The following TRPV4 variants were observed in gnomAD, a reference collection of about 807,000 sequenced individuals.
The protein encoded by TRPV4 is OSM9-like transient receptor potential channel 4.
Under a neutral mutation model 84.1 loss-of-function variants are expected in TRPV4, and 58 were observed. That is an observed-to-expected ratio of 0.69 (90% CI 0.56 to 0.86). The LOEUF is 0.86. Ranked by LOEUF, TRPV4 falls within the 40% of genes least tolerant of loss-of-function variation. The pLI, the probability that TRPV4 is intolerant of heterozygous loss-of-function variation, is 0.00. For missense variants in TRPV4, 879 were observed against 1,181.1 expected (o/e 0.74, Z 3.75); for synonymous variants, 489 against 500.9 (o/e 0.98, Z 0.32).
At chr12:109,802,405 G>A (rs551468275) in intron 4 of TRPV4, among the ~76,000 whole-genome samples, 2 of 151,308 alleles carry the variant, frequency 1.3e-5, no homozygotes, top group Admixed American at 6.6e-5. Flanking sequence ...AGGTTCAAGC[G>A]ATTCTCCTGC....
rs1034290161 is a variant in TRPV4, at chr12:109,803,210, G to A, written c.560-67C>T. The A allele has an allele frequency of 1.6e-5, 26 of 1,582,784 alleles. No individual in the cohort carries two copies. The Admixed American group carries it at 3.9e-4, about 24-fold the overall frequency. ...ATGACCTTGAACTTCCAGGCATCGG[G>A]GTACAGAACACTGGGTAGGGGGTCA... On this transcript the variant is annotated intron_variant, in intron 3 of 15. Coordinates refer to ENST00000261740, the MANE Select transcript of TRPV4 (RefSeq NM_021625.5).
chr12:109,798,486 C>A lies in TRPV4; in HGVS notation c.1152+128G>T. On this transcript the variant is annotated intron_variant, in intron 6 of 15. Coordinates refer to ENST00000261740, the MANE Select transcript of TRPV4 (RefSeq NM_021625.5). The surrounding 1 kb of genome is among the most constrained non-coding windows in gnomAD (Gnocchi z 5.0). ...GCAGGTTCTTGAGCTGGGACATCTG[C>A]ACACTGGGGTTGGCATGTTGGGAGG... is the stretch of plus-strand genomic sequence containing the variant. 1 of 1,211,834 alleles carries A rather than the reference C, an allele frequency of 8.3e-7. No individual in the cohort carries two copies. 75.1% of individuals were successfully genotyped at this position (1,211,834 alleles called of 1,614,324 possible). A position where few individuals can be genotyped will look rare whatever the true frequency, so the allele number is the denominator to read the frequency against.
Position 109,798,804 on chromosome 12 carries a change from C to A in TRPV4, c.962G>T (p.Gly321Val), listed in dbSNP as rs1395620763. ...KADMRRQDSR[G>V]NTVLHALVAI... ...CACCAGCGCATGCAGCACTGTGTTGCCTCGCGAGTCCTGGCGCCGCATGTC... is the reference window on the plus strand; with the variant it reads ...CACCAGCGCATGCAGCACTGTGTTGACTCGCGAGTCCTGGCGCCGCATGTC... Residue 321 changes from glycine (G) to valine (V), a missense_variant, in exon 6 of 16, where the codon GGC becomes GTC. By Grantham distance (109) the Gly-to-Val change is moderately radical. Transcript: ENST00000261740. The surrounding 1 kb of genome is among the most constrained non-coding windows in gnomAD (Gnocchi z 5.0). 6.2e-7 allele frequency: 1 copy of A among 1,614,054 alleles called. No homozygotes were observed. Among genetic ancestry groups the A allele is most frequent in the African/African-American group, 1.3e-5 (1 of 74,930 alleles).
At chr12:109,809,868 G>A (rs1433057083) in intron 2 of TRPV4, among the ~76,000 whole-genome samples, 1 of 152,178 alleles carries the variant, frequency 6.6e-6, no homozygotes, top group Non-Finnish European at 1.5e-5. Flanking sequence ...ACAAACATTT[G>A]AGACAAATGA....
At chr12:109,794,727 T>C (rs1890284061) in intron 7 of TRPV4, among the ~76,000 whole-genome samples, 1 of 152,158 alleles carries the variant, frequency 6.6e-6, no homozygotes, top group Non-Finnish European at 1.5e-5. Flanking sequence ...TAAAAGACAT[T>C]TATTTTCAGG....
At chr12:109,799,246 G>C (rs546503774) in intron 5 of TRPV4, among the ~76,000 whole-genome samples, 42 of 151,224 alleles carry the variant, frequency 2.8e-4, no homozygotes, top group Admixed American at 9.2e-4. Flanking sequence ...TCCACCTCCC[G>C]GGTGCAAGCA....
chr12:109,806,790 G>A (rs1891164145), intron 3 of TRPV4, among the ~76,000 whole-genome samples: 1 of 147,344 alleles, frequency 6.8e-6, no homozygotes, highest in African/African-American at 2.5e-5. Context: ...GAGGCCAGAA[G>A]TTCAAGGCTG....
chr12:109,793,050 C>T lies in TRPV4; in HGVS notation c.1659-233G>A, dbSNP rs375445368. 1.3e-4 allele frequency among the ~76,000 whole-genome samples: 20 copies of T among 152,302 alleles called. No individual in the cohort carries two copies. Among genetic ancestry groups the T allele is most frequent in the East Asian group, 3.9e-4 (2 of 5,186 alleles). On this transcript the variant is annotated intron_variant, in intron 10 of 15. Coordinates refer to ENST00000261740, the MANE Select transcript of TRPV4 (RefSeq NM_021625.5). This position sits in a 1 kb window ranked among gnomAD's most constrained non-coding sequence, Gnocchi z 4.0. ...CCCACAGGATCCTGAAGTGATGCCC[C>T]TTGGAATTGCTAAAGAAAGATTTAG... is the stretch of plus-strand genomic sequence containing the variant.
intron 2 of TRPV4, among the ~76,000 whole-genome samples, chr12:109,810,326 G>A (rs1472055878): frequency 6.6e-6 from 1 of 152,224 alleles, no homozygotes; most frequent in Non-Finnish European, 1.5e-5. Context: ...GGAGGCACAG[G>A]GTCTGGGAGG....
chr12:109,802,210 G>A (rs1890829766), intron 4 of TRPV4, among the ~76,000 whole-genome samples: 1 of 150,012 alleles, frequency 6.7e-6, no homozygotes, highest in South Asian at 2.1e-4. Context: ...GCTCACTGAA[G>A]CCTTGACCCT....
intron 1 of TRPV4, among the ~76,000 whole-genome samples, chr12:109,817,895 A>T (rs1713756741): frequency 6.6e-6 from 1 of 152,216 alleles, no homozygotes. Flanking sequence ...ATGGCACTAA[A>T]CATCCTCCAA....
rs1889725079 is a variant in TRPV4 at position 109,786,934 on chromosome 12, CA to C, written c.2209-98del. 21 of 1,550,878 alleles carry C rather than the reference CA, an allele frequency of 1.4e-5. No homozygotes were observed. Among genetic ancestry groups the C allele is most frequent in the Non-Finnish European group, 1.6e-5 (18 of 1,135,064 alleles). On this transcript the variant is annotated intron_variant, in intron 13 of 15. Transcript: ENST00000261740. The surrounding 1 kb of genome is among the most constrained non-coding windows in gnomAD (Gnocchi z 4.5). ...ATGAGACAACGGGCCAGGGTGGGCC[CA>C]GAACTAGGCATTTAGACTCCTACTC...
At chr12:109,816,713 G>A (rs910923699) in intron 1 of TRPV4, among the ~76,000 whole-genome samples, 2 of 152,146 alleles carry the variant, frequency 1.3e-5, no homozygotes, top group African/African-American at 2.4e-5. Flanking sequence ...AGGAGGCAGA[G>A]GTTGCAGTGA....
intron 12 of TRPV4, among the ~76,000 whole-genome samples, chr12:109,791,630 G>A (rs111878991): frequency 6.0e-4 from 91 of 150,994 alleles, no homozygotes; most frequent in African/African-American, 1.8e-3. Context: ...CTATAGTTGC[G>A]CGCCACCATG....
At chr12:109,797,252 A>G (rs1002319866) in intron 6 of TRPV4, among the ~76,000 whole-genome samples, 1 of 152,044 alleles carries the variant, frequency 6.6e-6, no homozygotes, top group African/African-American at 2.4e-5. Context: ...CCTAGGTTCA[A>G]GCAATTCTCC....
Position 109,814,729 on chromosome 12 carries a change from C to A in TRPV4, c.68G>T (p.Ser23Ile). 1 of 1,595,528 alleles carries A rather than the reference C, an allele frequency of 6.3e-7. No individual in the cohort carries two copies. The highest frequency in any genetic ancestry group is 8.5e-7 in the Non-Finnish European group (1 of 1,172,070). The change falls in exon 2 of 16, where the codon AGT becomes ATT. Residue 23 changes from serine (S) to isoleucine (I), a missense_variant. By Grantham distance (142) the Ser-to-Ile change is moderately radical. Around this residue, in one of 4 missense-constraint regions of TRPV4, gnomAD observed 107 missense variants for 99.4 expected, o/e 1.08. Transcript: ENST00000261740. This position sits in a 1 kb window ranked among gnomAD's most constrained non-coding sequence, Gnocchi z 5.4. Reference protein sequence around the residue: ...GEVAELPGDESGTPGGEAFPL... With the variant: ...GEVAELPGDEIGTPGGEAFPL... The stretch of plus-strand genomic sequence containing the variant: ...AAAAGCCTCCCCACCTGGGGTGCCA[C>A]TCTCATCCCCGGGGAGCTCAGCCAC...
chr12:109,832,467 C>G (rs897224546), intron 1 of TRPV4: 2 of 152,362 alleles, frequency 1.3e-5, no homozygotes, highest in African/African-American at 4.8e-5. Context: ...GTTTTAGAAG[C>G]TGAGCCAGAA....
intron 1 of TRPV4, among the ~76,000 whole-genome samples, chr12:109,819,356 G>A (rs763071942): frequency 6.6e-6 from 1 of 152,184 alleles, no homozygotes; most frequent in Non-Finnish European, 1.5e-5. Flanking sequence ...CCATGGGCGT[G>A]TGCATGTGTG....
At chr12:109,808,263 G>C in intron 3 of TRPV4, 33 bp downstream of exon 3, 4 of 1,612,908 alleles carry the variant, frequency 2.5e-6, no homozygotes, top group Non-Finnish European at 3.4e-6. Context: ...ACCCCTGGCT[G>C]TCCCACTGGC....
Sources: gnomAD v4.1 joint callset for allele counts (sites outside exome capture counted in the v4.1 genomes callset) on GRCh38, gnomAD v4.1.1 for gene constraint, gnomAD v4.1.1 regional missense constraint, Gnocchi (gnomAD v3.1) non-coding constraint, MANE v1.5 for transcripts, NCBI Gene and HGNC (gene_info 2026-07-23, HGNC 2026-07-21) for gene names.